Variants in RBFOX1 observed in about 807,000 individuals in gnomAD.
The protein encoded by RBFOX1 is RNA binding protein fox-1 homolog 1.
RBFOX1 carries 8 observed loss-of-function variants against 57.7 expected under a neutral mutation model. The ratio of observed to expected loss-of-function variants is 0.14; its 90% CI spans 0.08 to 0.25. The LOEUF is 0.25. Among genes scored for constraint, RBFOX1 ranks in the 10% least tolerant of loss-of-function variants. RBFOX1 has a pLI of 1.00. For missense variants in RBFOX1, 611 were observed against 548.5 expected (o/e 1.11, Z -1.14); for synonymous variants, 326 against 222.4 (o/e 1.47, Z -4.15).
At chr16:7,500,715 G>A (rs528349442) in intron 4 of RBFOX1, among the ~76,000 whole-genome samples, 17 of 152,230 alleles carry the variant, frequency 1.1e-4, no homozygotes, top group African/African-American at 4.1e-4. Flanking sequence ...TTTCAATATT[G>A]TATGTAAGGC....
chr16:6,393,660 TCTTA>T (rs2152937730), intron 2 of RBFOX1, among the ~76,000 whole-genome samples: 1 of 152,290 alleles, frequency 6.6e-6, no homozygotes, highest in Non-Finnish European at 1.5e-5. Flanking sequence ...TTCCATCTTC[TCTTA>T]CTTTCTTAAT....
intron 3 of RBFOX1, among the ~76,000 whole-genome samples, chr16:6,739,993 C>T (rs1283014611): frequency 6.6e-6 from 1 of 152,062 alleles, no homozygotes; most frequent in Non-Finnish European, 1.5e-5. Context: ...ATCAATATCC[C>T]TGATAAATAT....
chr16:7,225,409 C>A (rs1331208477), intron 4 of RBFOX1, among the ~76,000 whole-genome samples: 2 of 152,046 alleles, frequency 1.3e-5, no homozygotes, highest in East Asian at 3.9e-4. Flanking sequence ...ACGGTTGGTT[C>A]TCATTCTCTC....
intron 1 of RBFOX1, among the ~76,000 whole-genome samples, chr16:5,372,861 A>G (rs1373477143): frequency 1.3e-5 from 2 of 152,218 alleles, no homozygotes; most frequent in Non-Finnish European, 2.9e-5. Flanking sequence ...CACACTTGTG[A>G]TCCTTTTTGA....
chr16:6,332,660 C>CCACATTA (rs1228954135), intron 2 of RBFOX1, among the ~76,000 whole-genome samples: 3 of 152,140 alleles, frequency 2.0e-5, no homozygotes, highest in African/African-American at 7.2e-5. Flanking sequence ...GCTTGTGAGG[C>CCACATTA]CACATTAGGG....
At chr16:5,690,266 T>A (rs2050632775) in intron 3 of RBFOX1, among the ~76,000 whole-genome samples, 1 of 152,224 alleles carries the variant, frequency 6.6e-6, no homozygotes, top group African/African-American at 2.4e-5. Flanking sequence ...CACAGTGTCA[T>A]CAATGCCAAC....
rs145047362 is a variant in RBFOX1, at chr16:6,627,254, C to T, written c.-63-27349C>T. Among the ~76,000 whole-genome samples, 5 of 152,278 alleles carry T rather than the reference C, an allele frequency of 3.3e-5. No individual in the cohort carries two copies. The East Asian group carries it at 5.8e-4, about 18-fold the overall frequency. ...GAATGAGATGGGGCTTTGAAGCTGGCCTCTAGAAGGCGGGGCCCTGAAACG... is the reference window on the plus strand; with the variant it reads ...GAATGAGATGGGGCTTTGAAGCTGGTCTCTAGAAGGCGGGGCCCTGAAACG... On this transcript the variant is annotated intron_variant, in intron 2 of 15. Transcript: ENST00000550418.
chr16:6,460,993 T>C (rs755669978), intron 2 of RBFOX1, among the ~76,000 whole-genome samples: 1 of 152,058 alleles, frequency 6.6e-6, no homozygotes. Context: ...CTTAGCAAAC[T>C]AAAGCAAGAA....
intron 1 of RBFOX1, among the ~76,000 whole-genome samples, chr16:5,319,147 AAAC>A (rs1407844769): frequency 1.3e-5 from 2 of 149,780 alleles, no homozygotes; most frequent in African/African-American, 5.1e-5. Context: ...ACAAACAAAC[AAAC>A]AAAAAAACAT....
At chr16:7,140,988 C>G (rs983525149) in intron 4 of RBFOX1, among the ~76,000 whole-genome samples, 1 of 152,128 alleles carries the variant, frequency 6.6e-6, no homozygotes, top group Middle Eastern at 3.2e-3. Context: ...GAAGAGGAAC[C>G]CTCGTTGGAA....
Position 7,341,377 on chromosome 16 carries a change from A to T in RBFOX1, c.28-176770A>T, listed in dbSNP as rs965995603. Among the ~76,000 whole-genome samples the T allele has an allele frequency of 1.8e-4, 28 of 152,164 alleles. 1 individual carries two copies. The highest frequency in any genetic ancestry group is 6.8e-4 in the African/African-American group (28 of 41,438). ...AACTCATTCATTTATTAAGATAATG[A>T]TTTATCAATCATAGATTTCGTGACT... On this transcript the variant is annotated intron_variant, in intron 4 of 15. Coordinates refer to ENST00000550418, the MANE Select transcript of RBFOX1 (RefSeq NM_018723.4).
Position 6,854,353 on chromosome 16 carries a change from G to C in RBFOX1, c.-15-197704G>C, listed in dbSNP as rs139398887. On this transcript the variant is annotated intron_variant, in intron 3 of 15. Transcript: ENST00000550418. ...TACAAATTATGGAACCTATGAAGAG[G>C]AAAGGGCTTAAGGGGTTAATTATTA... Among the ~76,000 whole-genome samples the C allele has an allele frequency of 2.3e-3, 348 of 152,114 alleles. 2 individuals are homozygous for C. Among genetic ancestry groups the C allele is most frequent in the African/African-American group, 7.9e-3 (327 of 41,476 alleles).
At chr16:6,498,860 C>A (rs1338926084) in intron 2 of RBFOX1, among the ~76,000 whole-genome samples, 1 of 152,160 alleles carries the variant, frequency 6.6e-6, no homozygotes, top group Non-Finnish European at 1.5e-5. Context: ...AGCCATGGCA[C>A]AGTTAGTATC....
At chr16:7,041,429 A>T (rs74494929) in intron 3 of RBFOX1, among the ~76,000 whole-genome samples, 23 of 152,134 alleles carry the variant, frequency 1.5e-4, no homozygotes, top group Admixed American at 3.3e-4. Context: ...ATGAACCACA[A>T]TTCTTTTAAC....
intron 3 of RBFOX1, among the ~76,000 whole-genome samples, chr16:6,751,259 A>G (rs2074883355): frequency 6.6e-6 from 1 of 152,184 alleles, no homozygotes; most frequent in South Asian, 2.1e-4. Flanking sequence ...TATTGACTCT[A>G]GAATGGATGG....
intron 3 of RBFOX1, among the ~76,000 whole-genome samples, chr16:6,778,535 C>T (rs192334469): frequency 1.3e-5 from 2 of 152,076 alleles, no homozygotes; most frequent in African/African-American, 4.8e-5. Context: ...AATATCTGAT[C>T]GCTGTTCAGA....
At chr16:7,588,419 G>A (rs1602602405) in intron 7 of RBFOX1, among the ~76,000 whole-genome samples, 1 of 152,168 alleles carries the variant, frequency 6.6e-6, no homozygotes, top group South Asian at 2.1e-4. Flanking sequence ...AACAACACAT[G>A]AGGCCTATAA....
intron 4 of RBFOX1, among the ~76,000 whole-genome samples, chr16:5,934,307 C>G (rs910630119): frequency 1.3e-5 from 2 of 152,256 alleles, no homozygotes; most frequent in African/African-American, 2.4e-5. Context: ...CTTGGAAAGA[C>G]AGTGGTACCC....
intron 3 of RBFOX1, among the ~76,000 whole-genome samples, chr16:6,859,186 T>C (rs1179144615): frequency 1.6e-5 from 1 of 61,648 alleles, no homozygotes; most frequent in Non-Finnish European, 3.0e-5. Flanking sequence ...TATATATATG[T>C]ATATATATAT....
Sources: gnomAD v4.1 joint callset for allele counts (sites outside exome capture counted in the v4.1 genomes callset) on GRCh38, gnomAD v4.1.1 for gene constraint, MANE v1.5 for transcripts, NCBI Gene and HGNC (gene_info 2026-07-23, HGNC 2026-07-21) for gene names.